MIB1: variants seen among roughly 807,000 people sequenced by gnomAD.
MIB1 encodes MIB E3 ubiquitin protein ligase 1.
In MIB1, 278 loss-of-function variants were observed where a neutral mutation model predicts 124.5. The observed-to-expected ratio is 2.23, with a 90% confidence interval of 2.02 to 2.47. MIB1 has a LOEUF of 2.47. Among genes scored for constraint, MIB1 ranks in the 30% most tolerant of loss-of-function variants. The pLI, the probability that MIB1 is intolerant of heterozygous loss-of-function variation, is 0.00. For synonymous variants in MIB1, 446 were observed against 429.4 expected (o/e 1.04, Z -0.48); for missense variants, 957 against 1,254.4 (o/e 0.76, Z 3.58).
chr18:21,707,888 C>T (rs1472169849), intron 1 of MIB1, among the ~76,000 whole-genome samples: 1 of 152,146 alleles, frequency 6.6e-6, no homozygotes, highest in Non-Finnish European at 1.5e-5. Flanking sequence ...ATGTATTTCT[C>T]ACTGTTCTAG....
rs1193722814 is a variant in MIB1, at chr18:21,869,005, T to A, written c.*4339T>A. 1 of 152,424 alleles carries A rather than the reference T, an allele frequency of 6.6e-6. No homozygotes were observed. The highest frequency in any genetic ancestry group is 1.9e-4 in the East Asian group (1 of 5,194). 9.4% of individuals were successfully genotyped at this position (152,424 alleles called of 1,614,324 possible). A position where few individuals can be genotyped will look rare whatever the true frequency, so the allele number is the denominator to read the frequency against. On this transcript the variant is annotated 3_prime_UTR_variant, in exon 21 of 21. Transcript: ENST00000261537. ...ACCTCCTTTTCTGTCAGAGTATTACTTTTTCCAGCATTTATTCTTATTTGT... is the reference window on the plus strand; with the variant it reads ...ACCTCCTTTTCTGTCAGAGTATTACATTTTCCAGCATTTATTCTTATTTGT...
chr18:21,760,317 T>G (rs1175151824), intron 1 of MIB1, among the ~76,000 whole-genome samples: 1 of 152,188 alleles, frequency 6.6e-6, no homozygotes, highest in Non-Finnish European at 1.5e-5. Context: ...AAAATGTTGG[T>G]CTTGTTTATT....
chr18:21,801,583 G>A (rs1598617936), intron 9 of MIB1, among the ~76,000 whole-genome samples: 3 of 152,184 alleles, frequency 2.0e-5, no homozygotes, highest in Non-Finnish European at 2.9e-5. Context: ...CCTCTATTAA[G>A]ATGTAGAATA....
At chr18:21,826,784 A>G (rs997070822) in intron 12 of MIB1, 9 of 152,136 alleles carry the variant, frequency 5.9e-5, no homozygotes, top group African/African-American at 1.9e-4. Context: ...TACAGTTACT[A>G]TTTTAAACTG....
At position 21,775,226 on chromosome 18, in the gene MIB1, C is replaced by A. The variant is rs1444132619; in HGVS notation, c.636+1498C>A. On this transcript the variant is annotated intron_variant, in intron 4 of 20. Coordinates refer to ENST00000261537, the MANE Select transcript of MIB1 (RefSeq NM_020774.4). ...TCCCAAAGTGCTGGGATTACAGGCG[C>A]GAGCCACCACGCCTGGCCTTATTTA... Among the ~76,000 whole-genome samples, 3 of 151,886 alleles carry A rather than the reference C, an allele frequency of 2.0e-5. No individual in the cohort carries two copies. In the South Asian group the frequency reaches 6.2e-4, roughly 32 times the overall value.
chr18:21,757,451 CAAAAAAAAAAAAAA>C (rs1202189616), intron 1 of MIB1, among the ~76,000 whole-genome samples: 2 of 13,284 alleles, frequency 1.5e-4, no homozygotes, highest in African/African-American at 3.3e-4. Context: ...GACTCTGTCT[CAAAAAAAAAAAAAA>C]AAAAAAAAAA....
rs3017038 is a variant in MIB1 at position 21,778,240 on chromosome 18, T to G, written c.703+71T>G. On this transcript the variant is annotated intron_variant, in intron 5 of 20. Coordinates refer to ENST00000261537, the MANE Select transcript of MIB1 (RefSeq NM_020774.4). ...TCGTGGAATCAGTAAAATGCTTAAA[T>G]TGGATGTTAGAAAAGTTAATTACCA... The G allele has an allele frequency of 8.1e-3, 9,132 of 1,125,326 alleles. 558 individuals are homozygous for G. In the African/African-American group the frequency reaches 0.12, roughly 15 times the overall value. The allele number at this position is 1,125,326 out of a possible 1,614,324, so 69.7% of individuals were successfully genotyped here. A position where few individuals can be genotyped will look rare whatever the true frequency, so the allele number is the denominator to read the frequency against.
At position 21,755,477 on chromosome 18, in the gene MIB1, G is replaced by A. The variant is rs150167235; in HGVS notation, c.230-10295G>A. Reference sequence around the variant, plus strand: ...CTCCTGAGTAGCTAGGATTACAGGCGCGTACCACCACGCCCAGCTAATTTT... The same window carrying A: ...CTCCTGAGTAGCTAGGATTACAGGCACGTACCACCACGCCCAGCTAATTTT... On this transcript the variant is annotated intron_variant, in intron 1 of 20. Transcript: ENST00000261537. 7.4e-3 allele frequency among the ~76,000 whole-genome samples: 1,125 copies of A among 152,098 alleles called. 14 individuals are homozygous for A. The highest frequency in any genetic ancestry group is 0.025 in the African/African-American group (1,051 of 41,458).
chr18:21,798,006 T>G (rs2041603837), intron 7 of MIB1, 78 bp from the exon 8 acceptor site: 4 of 1,392,914 alleles, frequency 2.9e-6, no homozygotes, highest in Non-Finnish European at 3.0e-6. Context: ...ATCATTACTT[T>G]AAGCATATAA....
At chr18:21,753,822 G>A (rs970499747) in intron 1 of MIB1, among the ~76,000 whole-genome samples, 3 of 151,896 alleles carry the variant, frequency 2.0e-5, no homozygotes, top group African/African-American at 7.3e-5. Flanking sequence ...GATTATAGGC[G>A]CCTGCCACCA....
rs1216438432 is a variant in MIB1, at chr18:21,867,145, G to T, written c.*2479G>T. The T allele has an allele frequency of 6.6e-6, 1 of 152,344 alleles. No individual in the cohort carries two copies. The highest frequency in any genetic ancestry group is 2.4e-5 in the African/African-American group (1 of 41,412). 9.4% of individuals were successfully genotyped at this position (152,344 alleles called of 1,614,324 possible). A position where few individuals can be genotyped will look rare whatever the true frequency, so the allele number is the denominator to read the frequency against. ...CATTCATTCAAAAAAGTATTTATTGGGCTTTAGGGATTAGATACACAACAG... is the reference window on the plus strand; with the variant it reads ...CATTCATTCAAAAAAGTATTTATTGTGCTTTAGGGATTAGATACACAACAG... On this transcript the variant is annotated 3_prime_UTR_variant, in exon 21 of 21. Coordinates refer to ENST00000261537, the MANE Select transcript of MIB1 (RefSeq NM_020774.4).
intron 1 of MIB1, among the ~76,000 whole-genome samples, chr18:21,714,935 G>C (rs930413220): frequency 6.6e-6 from 1 of 152,156 alleles, no homozygotes; most frequent in Non-Finnish European, 1.5e-5. Context: ...CAGTAAATTG[G>C]GGGGGATCAC....
rs2041714112 is a variant in MIB1, at chr18:21,806,840, C to T, written c.1479+2826C>T. On this transcript the variant is annotated intron_variant, in intron 10 of 20. Transcript: ENST00000261537. ...GTTTCACCGTGTTAGCCAGGATGGT[C>T]TCCATCTCCTCACCTCGTGATCCAC... is the stretch of plus-strand genomic sequence containing the variant. Among the ~76,000 whole-genome samples the T allele has an allele frequency of 2.0e-5, 3 of 152,144 alleles. No individual in the cohort carries two copies. In the South Asian group the frequency reaches 6.2e-4, roughly 32 times the overall value.
chr18:21,706,628 C>T (rs1191863335), intron 1 of MIB1, among the ~76,000 whole-genome samples: 1 of 152,180 alleles, frequency 6.6e-6, no homozygotes, highest in Non-Finnish European at 1.5e-5. Flanking sequence ...GCTGGCACCG[C>T]CGGCCCTGGC....
chr18:21,845,308 C>T (rs1002438555), intron 15 of MIB1, among the ~76,000 whole-genome samples: 2 of 152,178 alleles, frequency 1.3e-5, no homozygotes, highest in African/African-American at 4.8e-5. Flanking sequence ...CCACACCCAG[C>T]CCTTTTCATT....
At chr18:21,719,373 G>C (rs954846312) in intron 1 of MIB1, among the ~76,000 whole-genome samples, 2 of 152,026 alleles carry the variant, frequency 1.3e-5, no homozygotes, top group African/African-American at 4.8e-5. Flanking sequence ...ATATAAGTCG[G>C]TAATTAATTT....
At chr18:21,864,333 AG>A (rs2042303218) in intron 20 of MIB1, among the ~76,000 whole-genome samples, 192 bp from the exon 21 acceptor site, 1 of 152,236 alleles carries the variant, frequency 6.6e-6, no homozygotes, top group Non-Finnish European at 1.5e-5. Flanking sequence ...CTATCCTGAT[AG>A]TACAACCAGT....
At chr18:21,799,569 A>G (rs1432454736) in intron 8 of MIB1, among the ~76,000 whole-genome samples, 1 of 152,028 alleles carries the variant, frequency 6.6e-6, no homozygotes, top group Admixed American at 6.6e-5. Context: ...GATGACTTTT[A>G]AATCTTGAAT....
intron 1 of MIB1, among the ~76,000 whole-genome samples, chr18:21,710,207 G>A (rs780382294): frequency 1.5e-4 from 22 of 151,124 alleles, no homozygotes; most frequent in Non-Finnish European, 2.7e-4. Context: ...TGCAACCTCC[G>A]CCTTAGCCTC....
Sources: gnomAD v4.1 joint callset for allele counts (sites outside exome capture counted in the v4.1 genomes callset) on GRCh38, gnomAD v4.1.1 for gene constraint, MANE v1.5 for transcripts, NCBI Gene and HGNC (gene_info 2026-07-23, HGNC 2026-07-21) for gene names.